GATA1: variants seen among roughly 807,000 people sequenced by gnomAD.
GATA1 encodes GATA binding protein 1.
Under a neutral mutation model 18.9 loss-of-function variants are expected in GATA1, and 2 were observed. The ratio of observed to expected loss-of-function variants is 0.11; its 90% confidence interval spans 0.04 to 0.33. The LOEUF is 0.33. Among genes scored for constraint, GATA1 ranks in the 10% least tolerant of loss-of-function variants. The pLI, the probability that GATA1 is intolerant of heterozygous loss-of-function variation, is 1.00. For synonymous variants in GATA1, 152 were observed against 149.1 expected, an observed-to-expected ratio of 1.02 and a Z score of -0.14; for missense variants, 272 against 344.7, an observed-to-expected ratio of 0.79 and a Z score of 1.67.
At chrX:48,787,413 C>T (rs1331901883) in intron 1 of GATA1, among the ~76,000 whole-genome samples, 1 of 110,682 alleles carries the variant, frequency 9.0e-6, no homozygotes, top group Non-Finnish European at 1.9e-5. Context: ...CCTTTCTCTA[C>T]TCCAATTCTA....
intron 1 of GATA1, among the ~76,000 whole-genome samples, chrX:48,790,018 A>AAT (rs1243844720): frequency 1.8e-5 from 2 of 108,223 alleles, no homozygotes; most frequent in Non-Finnish European, 3.8e-5. Flanking sequence ...GGACGGGGAG[A>AAT]ATAAGAGGAA....
chrX:48,788,695 C>T (rs1263034085), intron 1 of GATA1, among the ~76,000 whole-genome samples: 1 of 111,750 alleles, frequency 8.9e-6, no homozygotes, highest in Non-Finnish European at 1.9e-5. Context: ...TGTCACTCCA[C>T]CCTACAGACA....
chrX:48,790,792 AG>A, intron 1 of GATA1, among the ~76,000 whole-genome samples: 1 of 98,744 alleles, frequency 1.0e-5, no homozygotes, highest in Admixed American at 1.1e-4. Context: ...GAGCGAGAGG[AG>A]GGAGGAGAGG....
chrX:48,790,034 G>C (rs1405133912), intron 1 of GATA1, among the ~76,000 whole-genome samples: 1 of 108,910 alleles, frequency 9.2e-6, no homozygotes. Context: ...AGGAAGTGGA[G>C]GAGGGGAGGA....
chrX:48,787,045 C>T (rs1266560444), intron 1 of GATA1, among the ~76,000 whole-genome samples: 1 of 110,137 alleles, frequency 9.1e-6, no homozygotes, highest in Non-Finnish European at 1.9e-5. Context: ...ACTTCTCCTC[C>T]AAACCTCACT....
intron 1 of GATA1, among the ~76,000 whole-genome samples, chrX:48,789,582 C>A (rs992870477): frequency 4.5e-5 from 5 of 111,223 alleles, no homozygotes; most frequent in Non-Finnish European, 9.4e-5. Flanking sequence ...ACTGAAAGAG[C>A]CTGAAAGCAG....
intron 1 of GATA1, among the ~76,000 whole-genome samples, chrX:48,787,968 T>G (rs1407740651): frequency 1.8e-5 from 2 of 111,262 alleles, no homozygotes; most frequent in African/African-American, 3.3e-5. Flanking sequence ...GTGGGGCAGC[T>G]GATAAGGAGC....
intron 4 of GATA1, 136 bp from the exon 5 acceptor site, chrX:48,793,036 C>A (rs2062679529): frequency 1.6e-6 from 1 of 641,089 alleles, no homozygotes; most frequent in Non-Finnish European, 2.5e-6. Flanking sequence ...ACAGAATCCT[C>A]AGGCATCACC....
intron 1 of GATA1, among the ~76,000 whole-genome samples, chrX:48,787,231 T>C (rs1198274478): frequency 1.8e-5 from 2 of 110,927 alleles, no homozygotes; most frequent in African/African-American, 6.6e-5. Flanking sequence ...CCGCAAACCA[T>C]TTATCTCTCC....
Position 48,794,214 on chromosome X carries a change from T to C in GATA1, c.*50T>C. The C allele has an allele frequency of 8.4e-7, 1 of 1,189,257 alleles. No homozygotes were observed. The highest frequency in any genetic ancestry group is 1.1e-6 in the Non-Finnish European group (1 of 880,688). Reference sequence around the variant, plus strand: ...GAGGGGTGGTGTCCTTCTCCTCTTGTAGCCAGAATTCTGGACAACCCAAGT... The same window carrying C: ...GAGGGGTGGTGTCCTTCTCCTCTTGCAGCCAGAATTCTGGACAACCCAAGT... On this transcript the variant is annotated 3_prime_UTR_variant, in exon 6 of 6. Transcript: ENST00000376670.
At chrX:48,790,298 A>C (rs1557019819) in intron 1 of GATA1, among the ~76,000 whole-genome samples, 5 of 109,796 alleles carry the variant, frequency 4.6e-5, no homozygotes, top group African/African-American at 9.9e-5. Flanking sequence ...ACAAAAAAAA[A>C]ACAAAAACTA....
chrX:48,793,360 C>G lies in GATA1; in HGVS notation c.870+63C>G, dbSNP rs782470513. On this transcript the variant is annotated intron_variant, in intron 5 of 5. Transcript: ENST00000376670. Reference sequence around the variant, plus strand: ...CCTGTCTTCATGCCACACTGCCCCCCACTCTGTTCCTGTTCTACCTCTCTC... The same window carrying G: ...CCTGTCTTCATGCCACACTGCCCCCGACTCTGTTCCTGTTCTACCTCTCTC... 96 of 1,120,906 alleles carry G rather than the reference C, an allele frequency of 8.6e-5. No homozygotes were observed. In the Admixed American group the frequency reaches 8.9e-4, roughly 10 times the overall value. The allele number at this position is 1,120,906 out of a possible 1,213,427, so 92.4% of individuals were successfully genotyped here. A position where few individuals can be genotyped will look rare whatever the true frequency, so the allele number is the denominator to read the frequency against.
At position 48,791,962 on chromosome X, in the gene GATA1, C is replaced by T. The variant is rs147681544; in HGVS notation, c.339C>T (p.Arg113=). The T allele has an allele frequency of 8.3e-6, 10 of 1,209,917 alleles. No individual in the cohort carries two copies. Among genetic ancestry groups the T allele is most frequent in the Non-Finnish European group, 8.9e-6 (8 of 895,152 alleles). Residue 113 remains arginine, a synonymous_variant, in exon 3 of 6, where the codon CGC becomes CGT. Transcript: ENST00000376670. ...CTGCCTCAACTGTGTGTCCCACCCG[C>T]GAGGACTCTCCTCCCCAGGCCGTGG... ...LYPASTVCPT[R]EDSPPQAVED...
chrX:48,790,879 C>G (rs1978955223), intron 1 of GATA1, among the ~76,000 whole-genome samples: 2 of 84,882 alleles, frequency 2.4e-5, no homozygotes, highest in Non-Finnish European at 4.4e-5. Context: ...CGGGGAGATG[C>G]AGGAGGGAAA....
At position 48,786,921 on chromosome X, in the gene GATA1, G is replaced by A. The variant is rs782384907; in HGVS notation, c.-20+276G>A. 2.7e-5 allele frequency among the ~76,000 whole-genome samples: 3 copies of A among 110,121 alleles called. No individual in the cohort carries two copies. The East Asian group carries it at 8.6e-4, about 32-fold the overall frequency. On this transcript the variant is annotated intron_variant, in intron 1 of 5. Coordinates refer to ENST00000376670, the MANE Select transcript of GATA1 (RefSeq NM_002049.4). The stretch of plus-strand genomic sequence containing the variant: ...TTCACTTTGCTCGCTATACCCCTAG[G>A]TCTGTCTCCCCTAAACACTAACTCT...
chrX:48,790,400 G>A (rs1417967588), intron 1 of GATA1, among the ~76,000 whole-genome samples: 4 of 111,310 alleles, frequency 3.6e-5, no homozygotes, highest in South Asian at 3.7e-4. Context: ...GCAGTGAGCC[G>A]AGATCGTGCC....
chrX:48,792,038 G>C lies in GATA1; in HGVS notation c.415G>C (p.Glu139Gln). 4 of 1,211,814 alleles carry C rather than the reference G, an allele frequency of 3.3e-6. No homozygotes were observed. The highest frequency in any genetic ancestry group is 1.8e-5 in the South Asian group (1 of 56,984). The change falls in exon 3 of 6, where the codon GAG becomes CAG. Residue 139 changes from glutamate to glutamine, a missense_variant. This residue lies in a region of GATA1 where 147 missense variants were observed against 157.4 expected (regional missense o/e 0.93). Transcript: ENST00000376670. ...CAGCTTCCTGGAGACTTTGAAGACA[G>C]AGCGGCTGAGCCCAGACCTCCTGAC... ...STSFLETLKT[E>Q]RLSPDLLTLG...
chrX:48,789,988 G>A (rs1382404678), intron 1 of GATA1, among the ~76,000 whole-genome samples: 1 of 109,700 alleles, frequency 9.1e-6, no homozygotes, highest in Non-Finnish European at 1.9e-5. Flanking sequence ...TTCTAGAGGG[G>A]GAGGGAAGAA....
intron 1 of GATA1, among the ~76,000 whole-genome samples, chrX:48,787,414 T>C (rs781890805): frequency 9.1e-6 from 1 of 110,412 alleles, no homozygotes; most frequent in South Asian, 3.9e-4. Flanking sequence ...CTTTCTCTAC[T>C]CCAATTCTAT....
Sources: allele counts gnomAD v4.1 joint callset (sites outside exome capture counted in the v4.1 genomes callset), GRCh38; gene constraint gnomAD v4.1.1; regional missense constraint gnomAD v4.1.1; transcripts MANE v1.5; gene names NCBI Gene and HGNC (gene_info 2026-07-23, HGNC 2026-07-21).